The following BCL7C variants were observed in gnomAD, a reference collection of about 807,000 sequenced individuals.
BCL7C encodes B-cell CLL/lymphoma 7 protein family member C.
In BCL7C, 8 loss-of-function variants were observed where a neutral mutation model predicts 26.2. That is an observed-to-expected ratio of 0.30 (90% CI 0.18 to 0.55). The LOEUF is 0.55. Among genes scored for constraint, BCL7C ranks in the 20% least tolerant of loss-of-function variants. The pLI is 0.93. For synonymous variants in BCL7C, 90 were observed against 116.5 expected (o/e 0.77, Z 1.47); for missense variants, 262 against 298.5 (o/e 0.88, Z 0.90).
intron 5 of BCL7C, among the ~76,000 whole-genome samples, chr16:30,862,418 G>C (rs2054784751): frequency 6.6e-6 from 1 of 152,166 alleles, no homozygotes; most frequent in Admixed American, 6.5e-5. Context: ...TTGCCGCAAG[G>C]CTGCAGGGAC....
Position 30,892,641 on chromosome 16 carries a change from T to C in BCL7C, c.387A>G (p.Gly129=), listed in dbSNP as rs34063722. 4.7e-4 allele frequency: 754 copies of C among 1,611,686 alleles called. 1 individual carries two copies. In the African/African-American group the frequency reaches 5.9e-3, roughly 13 times the overall value. ...PQPSRPVSPA[G]PPEGVPEEAQ... ...CCTCCTCAGGGACCCCTTCTGGGGGTCCGGCAGGTGACACAGGGCGGCTGG... is the reference window on the plus strand; with the variant it reads ...CCTCCTCAGGGACCCCTTCTGGGGGCCCGGCAGGTGACACAGGGCGGCTGG... Residue 129 remains glycine (G), a synonymous_variant, in exon 4 of 6, where the codon GGA becomes GGG. Transcript: ENST00000215115.
At chr16:30,866,996 G>C (rs1259387379) in intron 5 of BCL7C, among the ~76,000 whole-genome samples, 2 of 152,230 alleles carry the variant, frequency 1.3e-5, no homozygotes, top group East Asian at 1.9e-4. Flanking sequence ...TGAGGCTACA[G>C]TGAGCTACAA....
intron 5 of BCL7C, among the ~76,000 whole-genome samples, chr16:30,845,737 G>A (rs1185864720): frequency 6.9e-6 from 1 of 145,580 alleles, no homozygotes; most frequent in African/African-American, 2.6e-5. Context: ...TCTTTTTATT[G>A]AGACAGCACT....
chr16:30,881,888 C>T (rs1567321022), intron 5 of BCL7C, among the ~76,000 whole-genome samples: 1 of 152,186 alleles, frequency 6.6e-6, no homozygotes, highest in Admixed American at 6.5e-5. Flanking sequence ...TTGCTTTTTC[C>T]AGCGCACTCT....
chr16:30,883,043 C>T (rs188643744), downstream of BCL7C, among the ~76,000 whole-genome samples: 12 of 152,168 alleles, frequency 7.9e-5, no homozygotes, highest in Admixed American at 2.0e-4. Context: ...GGGGGTGGAA[C>T]TTAGAGTCAG....
chr16:30,840,144 T>C (rs746622435), intron 5 of BCL7C, among the ~76,000 whole-genome samples: 3 of 152,172 alleles, frequency 2.0e-5, no homozygotes, highest in Non-Finnish European at 4.4e-5. Flanking sequence ...TCTTCCTCTG[T>C]TTTTCCCCTT....
In BCL7C at chr16:30,834,988, G is replaced by A. The variant is rs1319181407; in HGVS notation, c.689C>T (p.Pro230Leu). 2 of 1,547,738 alleles carry A rather than the reference G, an allele frequency of 1.3e-6. No individual in the cohort carries two copies. The highest frequency in any genetic ancestry group is 2.4e-5 in the East Asian group (1 of 40,880). ...CTGGGGGATTGTTCTGGGTGCCCTC[G>A]GGGCCTTGCTGCCTCCCCCGGGAGC... Residue 230 changes from proline (P) to leucine (L), a missense_variant, in exon 6 of 6, where the codon CCG becomes CTG. Physicochemically the swap from Pro to Leu is moderately conservative, Grantham distance 98. Coordinates refer to the BCL7C transcript ENST00000380317. This position sits in a 1 kb window ranked among gnomAD's most constrained non-coding sequence, Gnocchi z 4.3.
Position 30,892,728 on chromosome 16 carries a change from ACT to A in BCL7C, c.298_299del (p.Ser100PhefsTer36), listed in dbSNP as rs2055270489. The A allele has an allele frequency of 6.2e-7, 1 of 1,613,986 alleles. No individual in the cohort carries two copies. Among genetic ancestry groups the A allele is most frequent in the Non-Finnish European group, 8.5e-7 (1 of 1,179,956 alleles). On this transcript the variant is annotated frameshift_variant, in exon 4 of 6. Transcript: ENST00000215115. LOFTEE classifies it high-confidence loss of function. ...LDLNDENSNQ[S>X]FHSEGSLQKG... ...TTTGCAGGGAACCTTCCGAATGGAA[ACT>A]CTGGTTGCTGTTCTCATCTGCGGGA...
At chr16:30,838,466 T>C (rs2054582531) in intron 5 of BCL7C, among the ~76,000 whole-genome samples, 1 of 152,206 alleles carries the variant, frequency 6.6e-6, no homozygotes, top group African/African-American at 2.4e-5. Flanking sequence ...TGGAGGATTT[T>C]GGATATTTGC....
At chr16:30,879,120 C>T (rs1218442429) in intron 5 of BCL7C, among the ~76,000 whole-genome samples, 1 of 152,172 alleles carries the variant, frequency 6.6e-6, no homozygotes, top group East Asian at 1.9e-4. Flanking sequence ...GGTGATCAGC[C>T]ATCCCAGTTT....
At chr16:30,879,180 C>A (rs1268432031) in intron 5 of BCL7C, among the ~76,000 whole-genome samples, 1 of 152,140 alleles carries the variant, frequency 6.6e-6, no homozygotes, top group African/African-American at 2.4e-5. Context: ...GTGCTAAAAC[C>A]AAGAAAGTCC....
chr16:30,862,037 C>T (rs188619863), intron 5 of BCL7C, among the ~76,000 whole-genome samples: 7 of 151,576 alleles, frequency 4.6e-5, no homozygotes, highest in East Asian at 1.9e-4. Context: ...TTTTTAGTAG[C>T]GACAGGGTTT....
At chr16:30,872,143 G>A (rs2054887510) in intron 5 of BCL7C, among the ~76,000 whole-genome samples, 2 of 152,260 alleles carry the variant, frequency 1.3e-5, no homozygotes, top group Admixed American at 6.5e-5. Context: ...TGAGGAATAG[G>A]GTCTGAGGGA....
chr16:30,887,784 A>G, downstream of BCL7C: 2 of 1,503,344 alleles, frequency 1.3e-6, no homozygotes, highest in East Asian at 2.5e-5. Context: ...GGGAAATGAC[A>G]TGACACAAAA....
At chr16:30,838,826 T>G (rs1325213492) in intron 5 of BCL7C, among the ~76,000 whole-genome samples, 1 of 152,120 alleles carries the variant, frequency 6.6e-6, no homozygotes, top group African/African-American at 2.4e-5. Context: ...ATAGATTATA[T>G]CAGACCAGTG....
At chr16:30,841,669 C>T (rs955233372) in intron 5 of BCL7C, among the ~76,000 whole-genome samples, 12 of 152,184 alleles carry the variant, frequency 7.9e-5, no homozygotes, top group African/African-American at 2.9e-4. Context: ...AAGCTCAGGG[C>T]CCTTGGCCGG....
At chr16:30,875,036 C>G (rs1294026911) in intron 5 of BCL7C, among the ~76,000 whole-genome samples, 1 of 152,224 alleles carries the variant, frequency 6.6e-6, no homozygotes, top group Non-Finnish European at 1.5e-5. Flanking sequence ...CCCTCCTTCC[C>G]GGCCTCATCT....
At chr16:30,862,532 C>G (rs767275689) in intron 5 of BCL7C, among the ~76,000 whole-genome samples, 14 of 151,918 alleles carry the variant, frequency 9.2e-5, no homozygotes, top group South Asian at 2.1e-4. Flanking sequence ...CTTTGTAGTT[C>G]CCCCTACAAA....
chr16:30,842,826 C>T (rs2054611001), intron 5 of BCL7C, among the ~76,000 whole-genome samples: 1 of 152,190 alleles, frequency 6.6e-6, no homozygotes, highest in Non-Finnish European at 1.5e-5. Context: ...CCTCAGCCTC[C>T]CAAAGTGCTG....
Sources: allele counts gnomAD v4.1 joint callset (sites outside exome capture counted in the v4.1 genomes callset), GRCh38; gene constraint gnomAD v4.1.1; non-coding constraint Gnocchi (gnomAD v3.1); transcripts MANE v1.5; gene names NCBI Gene and HGNC (gene_info 2026-07-23, HGNC 2026-07-21).